Variants in UST observed in about 807,000 individuals in gnomAD.
UST encodes chondroitin sulfate 2-O-sulfotransferase.
Under a neutral mutation model 45.6 loss-of-function variants are expected in UST, and 21 were observed. The ratio of observed to expected loss-of-function variants is 0.46; its 90% CI spans 0.33 to 0.66. The LOEUF (loss-of-function observed/expected upper bound fraction) is 0.66, where lower values mean the gene tolerates loss of function less well. Among genes scored for constraint, UST ranks in the 30% least tolerant of loss-of-function variants. The probability of loss-of-function intolerance (pLI) is 0.02; values close to 1 mark genes in which losing one functional copy is unlikely to be tolerated. For synonymous variants in UST, 215 were observed against 200.6 expected (o/e 1.07, Z -0.61); for missense variants, 463 against 512.4 (o/e 0.90, Z 0.93).
chr6:148,853,690 A>G (rs984634505), intron 1 of UST, among the ~76,000 whole-genome samples: 1 of 152,046 alleles, frequency 6.6e-6, no homozygotes, highest in South Asian at 2.1e-4. Flanking sequence ...TGTGGTTTTG[A>G]TTTGTATTTC....
intron 5 of UST, among the ~76,000 whole-genome samples, chr6:149,001,181 C>T (rs546762966): frequency 1.3e-5 from 2 of 151,456 alleles, no homozygotes; most frequent in African/African-American, 4.9e-5. Flanking sequence ...ATGCCATTCT[C>T]CTGCGTCAGC....
At chr6:148,991,182 C>T (rs1781344378) in intron 5 of UST, among the ~76,000 whole-genome samples, 1 of 152,048 alleles carries the variant, frequency 6.6e-6, no homozygotes, top group African/African-American at 2.4e-5. Context: ...GTCCACAGAT[C>T]CCCACAAAAA....
At chr6:148,978,702 T>G (rs894870952) in intron 5 of UST, among the ~76,000 whole-genome samples, 3 of 152,052 alleles carry the variant, frequency 2.0e-5, no homozygotes, top group Non-Finnish European at 4.4e-5. Context: ...GGGAGAGCAT[T>G]AGGACAAATA....
chr6:149,064,001 C>G (rs1776696277), intron 7 of UST, among the ~76,000 whole-genome samples: 1 of 152,204 alleles, frequency 6.6e-6, no homozygotes, highest in Non-Finnish European at 1.5e-5. Flanking sequence ...GACGTGCACA[C>G]ACAGCACATA....
chr6:148,941,009 A>G (rs1237213143), intron 2 of UST, among the ~76,000 whole-genome samples: 1 of 152,254 alleles, frequency 6.6e-6, no homozygotes, highest in Non-Finnish European at 1.5e-5. Flanking sequence ...AAAAAGAAAC[A>G]AAACAAGTTT....
At chr6:148,791,395 G>A (rs780090601) in intron 1 of UST, among the ~76,000 whole-genome samples, 6 of 152,094 alleles carry the variant, frequency 3.9e-5, no homozygotes, top group East Asian at 1.9e-4. Context: ...ACAATCTTCC[G>A]TATTAAAACT....
chr6:149,005,725 C>A, intron 5 of UST: 1 of 653,614 alleles, frequency 1.5e-6, no homozygotes, highest in Non-Finnish European at 1.9e-6. Flanking sequence ...ATTTATTCTT[C>A]TGTGTGCATT....
chr6:148,850,972 C>T (rs918228781), intron 1 of UST, among the ~76,000 whole-genome samples: 2 of 152,204 alleles, frequency 1.3e-5, no homozygotes, highest in African/African-American at 4.8e-5. Flanking sequence ...TAGGCTCTGC[C>T]TTTGAAACTC....
intron 1 of UST, among the ~76,000 whole-genome samples, chr6:148,761,145 G>A (rs1776209360): frequency 6.6e-6 from 1 of 152,204 alleles, no homozygotes; most frequent in African/African-American, 2.4e-5. Flanking sequence ...CCCCCAGCGG[G>A]CTGGCTGGAA....
intron 5 of UST, among the ~76,000 whole-genome samples, chr6:148,987,104 G>T (rs1781252048): frequency 6.6e-6 from 1 of 152,154 alleles, no homozygotes; most frequent in Admixed American, 6.5e-5. Flanking sequence ...CCATTTAAGA[G>T]AACTGTGACA....
At chr6:148,920,362 C>T (rs1255207302) in intron 2 of UST, among the ~76,000 whole-genome samples, 1 of 152,064 alleles carries the variant, frequency 6.6e-6, no homozygotes, top group Non-Finnish European at 1.5e-5. Flanking sequence ...TCTTTGGTTC[C>T]AGCCTCGCCC....
chr6:148,974,946 C>G (rs1481315021), intron 5 of UST, among the ~76,000 whole-genome samples: 1 of 152,172 alleles, frequency 6.6e-6, no homozygotes, highest in Admixed American at 6.5e-5. Context: ...CACTCACTTC[C>G]GGGTTTTGTA....
intron 3 of UST, among the ~76,000 whole-genome samples, chr6:148,953,614 A>T (rs1032272014): frequency 2.0e-5 from 3 of 152,072 alleles, no homozygotes; most frequent in Non-Finnish European, 4.4e-5. Flanking sequence ...ACTAAAAAAT[A>T]CAAAAAATTA....
chr6:148,857,140 A>G (rs185171754), intron 1 of UST, among the ~76,000 whole-genome samples: 49 of 152,214 alleles, frequency 3.2e-4, no homozygotes, highest in Admixed American at 9.8e-4. Flanking sequence ...ACATCTTGAA[A>G]TTGTTAAACA....
chr6:148,920,407 C>T (rs1193808889), intron 2 of UST, among the ~76,000 whole-genome samples: 1 of 152,150 alleles, frequency 6.6e-6, no homozygotes, highest in Non-Finnish European at 1.5e-5. Context: ...CCAATGTGGT[C>T]TCTCTGGAGG....
intron 4 of UST, among the ~76,000 whole-genome samples, chr6:148,957,732 C>G (rs548769802): frequency 6.6e-6 from 1 of 152,168 alleles, no homozygotes; most frequent in East Asian, 1.9e-4. Context: ...CCATGCAAAG[C>G]CAAGGACATT....
intron 1 of UST, among the ~76,000 whole-genome samples, chr6:148,815,064 A>G (rs1246042522): frequency 2.0e-5 from 3 of 152,252 alleles, no homozygotes; most frequent in Non-Finnish European, 4.4e-5. Flanking sequence ...ACCGTGGTAT[A>G]TCCACACAAT....
At chr6:148,838,763 C>T (rs1240246339) in intron 1 of UST, among the ~76,000 whole-genome samples, 34 of 151,704 alleles carry the variant, frequency 2.2e-4, no homozygotes, top group Non-Finnish European at 1.5e-5. Context: ...TTTTAATGAT[C>T]ACTTTGCTGT....
At chr6:149,048,706 T>G (rs1387543341) in intron 7 of UST, among the ~76,000 whole-genome samples, 1 of 152,132 alleles carries the variant, frequency 6.6e-6, no homozygotes, top group Non-Finnish European at 1.5e-5. Context: ...AGAAAATCAC[T>G]AACAGAAAAC....
Sources: gnomAD v4.1 joint callset for allele counts (sites outside exome capture counted in the v4.1 genomes callset) on GRCh38, gnomAD v4.1.1 for gene constraint, MANE v1.5 for transcripts, NCBI Gene and HGNC (gene_info 2026-07-23, HGNC 2026-07-21) for gene names.